Variants in PTAR1 observed in about 807,000 individuals in gnomAD.
PTAR1 encodes protein prenyltransferase alpha subunit repeat-containing protein 1.
PTAR1 carries 17 observed loss-of-function variants against 45.5 expected under a neutral mutation model. The observed-to-expected ratio is 0.37, with a 90% CI of 0.26 to 0.56. The LOEUF is 0.56. Ranked by LOEUF, PTAR1 falls within the 20% of genes least tolerant of loss-of-function variation. The pLI, the probability that PTAR1 is intolerant of heterozygous loss-of-function variation, is 0.77. For synonymous variants in PTAR1, 169 were observed against 171.3 expected, an observed-to-expected ratio of 0.99 and a Z score of 0.11; for missense variants, 391 against 476.3, an observed-to-expected ratio of 0.82 and a Z score of 1.67.
chr9:69,720,961 T>C (rs1300723580), intron 6 of PTAR1, among the ~76,000 whole-genome samples: 2 of 152,342 alleles, frequency 1.3e-5, no homozygotes, highest in African/African-American at 4.8e-5. Flanking sequence ...AAAAGATTCA[T>C]GTTGCTTTCA....
rs764319527 is a variant in PTAR1 at position 69,734,193 on chromosome 9, C to A, written c.385G>T (p.Ala129Ser). 1.3e-6 allele frequency: 2 copies of A among 1,524,822 alleles called. No individual in the cohort carries two copies. Among genetic ancestry groups the A allele is most frequent in the Non-Finnish European group, 1.8e-6 (2 of 1,129,368 alleles). 94.5% of individuals were successfully genotyped at this position (1,524,822 alleles called of 1,614,324 possible). ...GGACTCTTTGGAAACTTGGTTAAGGCGAGTTTTCCCAGATGTAAATCCTTA... is the reference window on the plus strand; with the variant it reads ...GGACTCTTTGGAAACTTGGTTAAGGAGAGTTTTCCCAGATGTAAATCCTTA... ...PIKDLHLGKL[A>S]LTKFPKSPET... Residue 129 changes from alanine to serine, a missense_variant, in exon 4 of 8, where the codon GCC becomes TCC. Ala to Ser is a moderately conservative substitution (Grantham distance 99). Around this residue, in one of 5 missense-constraint regions of PTAR1, gnomAD observed 152 missense variants for 160.0 expected, o/e 0.95. Coordinates refer to ENST00000340434, the MANE Select transcript of PTAR1 (RefSeq NM_001099666.2).
intron 6 of PTAR1, among the ~76,000 whole-genome samples, chr9:69,722,796 C>T (rs775294441): frequency 8.6e-5 from 13 of 151,384 alleles, no homozygotes; most frequent in African/African-American, 2.7e-4. Flanking sequence ...AAAATTAGCC[C>T]GGTGTGGTGG....
At chr9:69,747,074 T>C (rs1205196148) in intron 2 of PTAR1, among the ~76,000 whole-genome samples, 1 of 152,234 alleles carries the variant, frequency 6.6e-6, no homozygotes, top group Admixed American at 6.5e-5. Context: ...TAGACTAAGC[T>C]AAAAACTCTT....
intron 5 of PTAR1, among the ~76,000 whole-genome samples, chr9:69,723,863 G>A (rs1588447170): frequency 6.6e-6 from 1 of 151,914 alleles, no homozygotes; most frequent in East Asian, 1.9e-4. Context: ...AAGAATTTAA[G>A]GACTCATTTG....
intron 1 of PTAR1, among the ~76,000 whole-genome samples, chr9:69,755,413 C>G (rs1826729094): frequency 6.6e-6 from 1 of 152,160 alleles, no homozygotes; most frequent in Non-Finnish European, 1.5e-5. Flanking sequence ...TATGTTTAGA[C>G]AGCTTCTCTG....
At chr9:69,723,728 G>A in intron 5 of PTAR1, 98 bp from the exon 6 acceptor site, 1 of 936,054 alleles carries the variant, frequency 1.1e-6, no homozygotes, top group Non-Finnish European at 1.6e-6. Context: ...TTCCTTTTTT[G>A]ACAAGACCAT....
In PTAR1 at chr9:69,716,460, C is replaced by A. The variant is rs1466313703; in HGVS notation, c.*1882G>T. The A allele has an allele frequency of 6.6e-6, 1 of 152,006 alleles. No individual in the cohort carries two copies. Among genetic ancestry groups the A allele is most frequent in the Non-Finnish European group, 1.5e-5 (1 of 67,984 alleles). The allele number at this position is 152,006 out of a possible 1,614,324, so 9.4% of individuals were successfully genotyped here. ...GAAGAACAAATTCTGTCTACTGGGG[C>A]CAGGCTAGACAACTTTTCTGGCGTT... is the stretch of plus-strand genomic sequence containing the variant. On this transcript the variant is annotated 3_prime_UTR_variant, in exon 8 of 8. Coordinates refer to ENST00000340434, the MANE Select transcript of PTAR1 (RefSeq NM_001099666.2).
At chr9:69,721,743 T>C (rs918704111) in intron 6 of PTAR1, among the ~76,000 whole-genome samples, 2 of 152,212 alleles carry the variant, frequency 1.3e-5, no homozygotes, top group Admixed American at 6.5e-5. Flanking sequence ...CAGCAAAAGA[T>C]TGCAACTTGC....
intron 2 of PTAR1, among the ~76,000 whole-genome samples, chr9:69,749,888 C>CAGCAT (rs1826446348): frequency 6.6e-6 from 1 of 152,048 alleles, no homozygotes; most frequent in African/African-American, 2.4e-5. Flanking sequence ...ATGAGTAGAC[C>CAGCAT]CTTGGTAATG....
intron 5 of PTAR1, among the ~76,000 whole-genome samples, chr9:69,731,655 A>C (rs1419500331): frequency 6.6e-6 from 1 of 152,142 alleles, no homozygotes; most frequent in Non-Finnish European, 1.5e-5. Context: ...CTTGGAGTGG[A>C]ACTTAGGAAT....
chr9:69,752,746 C>A (rs1826586578), intron 1 of PTAR1, among the ~76,000 whole-genome samples: 1 of 151,950 alleles, frequency 6.6e-6, no homozygotes, highest in Non-Finnish European at 1.5e-5. Context: ...TAAACAAAGT[C>A]CTGTAGGAAG....
chr9:69,733,752 C>T (rs1029659914), intron 4 of PTAR1, among the ~76,000 whole-genome samples: 1 of 152,156 alleles, frequency 6.6e-6, no homozygotes, highest in Non-Finnish European at 1.5e-5. Flanking sequence ...CTTTTAAAAT[C>T]CATATTGCTC....
rs188705359 is a variant in PTAR1, at chr9:69,717,105, T to G, written c.*1237A>C. On this transcript the variant is annotated 3_prime_UTR_variant, in exon 8 of 8. Transcript: ENST00000340434. Reference sequence around the variant, plus strand: ...GCTATAATGTGGATACTTTGGTACCTCATCCCTGATTAAGTTCAGTATCAA... The same window carrying G: ...GCTATAATGTGGATACTTTGGTACCGCATCCCTGATTAAGTTCAGTATCAA... 3 of 152,288 alleles carry G rather than the reference T, an allele frequency of 2.0e-5. No individual in the cohort carries two copies. Among genetic ancestry groups the G allele is most frequent in the Admixed American group, 1.3e-4 (2 of 15,284 alleles). 9.4% of individuals were successfully genotyped at this position (152,288 alleles called of 1,614,324 possible).
In PTAR1 at chr9:69,710,343, G is replaced by A. The variant is rs994120846; in HGVS notation, c.*7999C>T. 4.6e-5 allele frequency: 7 copies of A among 151,890 alleles called. No individual in the cohort carries two copies. The highest frequency in any genetic ancestry group is 4.6e-4 in the Admixed American group (7 of 15,232). The allele number at this position is 151,890 out of a possible 1,614,324, so 9.4% of individuals were successfully genotyped here. On this transcript the variant is annotated 3_prime_UTR_variant, in exon 8 of 8. Coordinates refer to ENST00000340434, the MANE Select transcript of PTAR1 (RefSeq NM_001099666.2). The stretch of plus-strand genomic sequence containing the variant: ...TGAAATGATATTTTTAATATACTGG[G>A]TTACATAAACTGTTATTAAAATTAA...
At chr9:69,746,987 G>A (rs1317916620) in intron 2 of PTAR1, among the ~76,000 whole-genome samples, 2 of 152,188 alleles carry the variant, frequency 1.3e-5, no homozygotes, top group Admixed American at 1.3e-4. Context: ...CACAAGAAGT[G>A]AAGCTTGAGT....
chr9:69,745,253 CA>C (rs1477033629), intron 2 of PTAR1, among the ~76,000 whole-genome samples: 1 of 152,104 alleles, frequency 6.6e-6, no homozygotes, highest in Non-Finnish European at 1.5e-5. Flanking sequence ...GCAGCAATAA[CA>C]AAAAACCCCT....
Position 69,728,654 on chromosome 9 carries a change from T to C in PTAR1, c.642+3485A>G, listed in dbSNP as rs145965719. Among the ~76,000 whole-genome samples, 718 of 152,320 alleles carry C rather than the reference T, an allele frequency of 4.7e-3. 5 individuals are homozygous for C. Among genetic ancestry groups the C allele is most frequent in the African/African-American group, 0.017 (688 of 41,576 alleles). On this transcript the variant is annotated intron_variant, in intron 5 of 7. Transcript: ENST00000340434. ...GAAATGACTATATGTGCTTTTTTTA[T>C]GTGAAACTTGTAATTTGCCAGTAGT...
Position 69,710,356 on chromosome 9 carries a change from T to C in PTAR1, c.*7986A>G, listed in dbSNP as rs532110929. 1.3e-5 allele frequency: 2 copies of C among 152,270 alleles called. No homozygotes were observed. Among genetic ancestry groups the C allele is most frequent in the East Asian group, 3.9e-4 (2 of 5,188 alleles). 9.4% of individuals were successfully genotyped at this position (152,270 alleles called of 1,614,324 possible). A position where few individuals can be genotyped will look rare whatever the true frequency, so the allele number is the denominator to read the frequency against. ...TTAATATACTGGGTTACATAAACTG[T>C]TATTAAAATTAATTTTGCTTGTTTC... is the stretch of plus-strand genomic sequence containing the variant. On this transcript the variant is annotated 3_prime_UTR_variant, in exon 8 of 8. Transcript: ENST00000340434.
chr9:69,720,248 C>T (rs1242924648), intron 6 of PTAR1, among the ~76,000 whole-genome samples: 1 of 152,180 alleles, frequency 6.6e-6, no homozygotes, highest in Non-Finnish European at 1.5e-5. Flanking sequence ...ACCCAGTGAA[C>T]ACACAAATGA....
Sources: allele counts gnomAD v4.1 joint callset (sites outside exome capture counted in the v4.1 genomes callset), GRCh38; gene constraint gnomAD v4.1.1; regional missense constraint gnomAD v4.1.1; transcripts MANE v1.5; gene names NCBI Gene and HGNC (gene_info 2026-07-23, HGNC 2026-07-21).